Variants in KLHL20 observed in about 807,000 individuals in gnomAD.
The protein encoded by KLHL20 is kelch like family member 20, also known as kelch-like protein 20.
A neutral mutation model predicts 69.5 loss-of-function variants in KLHL20; 29 were observed. That is an observed-to-expected ratio of 0.42 (90% CI 0.31 to 0.57). KLHL20 has a LOEUF of 0.57. Among genes scored for constraint, KLHL20 ranks in the 20% least tolerant of loss-of-function variants. KLHL20 has a pLI of 0.18. For synonymous variants in KLHL20, 253 were observed against 265.2 expected (o/e 0.95, Z 0.45); for missense variants, 419 against 776.0 (o/e 0.54, Z 5.47).
At chr1:173,756,128 T>A in intron 6 of KLHL20, 90 bp downstream of exon 6, 1 of 879,342 alleles carries the variant, frequency 1.1e-6, no homozygotes, top group Non-Finnish European at 1.8e-6. Context: ...TTATGATATT[T>A]ACTGTCATAA....
chr1:173,759,356 A>G (rs1350350984), intron 7 of KLHL20, among the ~76,000 whole-genome samples: 3 of 151,934 alleles, frequency 2.0e-5, no homozygotes, highest in Non-Finnish European at 4.4e-5. Flanking sequence ...CCCACCTACC[A>G]CCAGTCTCTC....
At chr1:173,724,555 A>T (rs7513315) in intron 2 of KLHL20, among the ~76,000 whole-genome samples, 2,094 of 152,334 alleles carry the variant, frequency 0.014, 48 homozygotes, top group African/African-American at 0.046. Flanking sequence ...AAAAATCCAA[A>T]TATCTTATTT....
chr1:173,757,034 C>G lies in KLHL20; in HGVS notation c.1026C>G (p.Thr342=), dbSNP rs896691185. The part of the protein sequence containing the change: ...ISSVERYDPQ[T]NEWRMVASMS... ...GTGTTGAACGATATGATCCACAGAC[C>G]AATGAATGGAGAATGGTGGCTTCAA... is the stretch of plus-strand genomic sequence containing the variant. Residue 342 remains threonine (T), a synonymous_variant, in exon 7 of 12, where the codon ACC becomes ACG. Coordinates refer to ENST00000209884, the MANE Select transcript of KLHL20 (RefSeq NM_014458.4). 19 of 1,613,990 alleles carry G rather than the reference C, an allele frequency of 1.2e-5. No homozygotes were observed. The highest frequency in any genetic ancestry group is 1.6e-5 in the Non-Finnish European group (19 of 1,180,006).
chr1:173,730,997 C>G (rs1417961125), intron 2 of KLHL20, among the ~76,000 whole-genome samples: 1 of 152,236 alleles, frequency 6.6e-6, no homozygotes, highest in East Asian at 1.9e-4. Flanking sequence ...TATCCAGAAT[C>G]TACAATGAAC....
chr1:173,719,104 CA>C lies in KLHL20; in HGVS notation c.23+3049del, dbSNP rs751845202. ...TGGGCTAAACAGCGGGACTCCGTCT[CA>C]AAAAAAAAAAGAAAAATTATTTTGT... On this transcript the variant is annotated intron_variant, in intron 2 of 11. Coordinates refer to ENST00000209884, the MANE Select transcript of KLHL20 (RefSeq NM_014458.4). Among the ~76,000 whole-genome samples the C allele has an allele frequency of 3.5e-4, 37 of 106,096 alleles. 1 individual carries two copies. Among genetic ancestry groups the C allele is most frequent in the African/African-American group, 6.0e-4 (13 of 21,770 alleles). 69.6% of individuals were successfully genotyped at this position (106,096 alleles called of 152,430 possible). A position where few individuals can be genotyped will look rare whatever the true frequency, so the allele number is the denominator to read the frequency against.
chr1:173,738,567 G>C (rs577046132), intron 3 of KLHL20, among the ~76,000 whole-genome samples: 1 of 152,158 alleles, frequency 6.6e-6, no homozygotes, highest in Non-Finnish European at 1.5e-5. Flanking sequence ...TCTTTGTCTT[G>C]TTCCAGTTCT....
intron 10 of KLHL20, among the ~76,000 whole-genome samples, chr1:173,778,332 T>TTTTTG (rs1390767044): frequency 1.3e-5 from 2 of 151,970 alleles, no homozygotes; most frequent in Non-Finnish European, 2.9e-5. Flanking sequence ...TCTCATTACT[T>TTTTTG]TTTTGTTTTG....
At chr1:173,771,758 C>A (rs555529139) in intron 8 of KLHL20, among the ~76,000 whole-genome samples, 1 of 151,960 alleles carries the variant, frequency 6.6e-6, no homozygotes, top group Admixed American at 6.6e-5. Flanking sequence ...ACAGACTGAC[C>A]CTGTCTCTAA....
chr1:173,783,853 C>A (rs1649032700), intron 11 of KLHL20, among the ~76,000 whole-genome samples: 1 of 149,120 alleles, frequency 6.7e-6, no homozygotes, highest in Admixed American at 6.7e-5. Context: ...GGTGACAGAG[C>A]AAGACTCCGT....
chr1:173,781,091 A>G (rs986698318), intron 10 of KLHL20, among the ~76,000 whole-genome samples: 1 of 151,854 alleles, frequency 6.6e-6, no homozygotes, highest in Non-Finnish European at 1.5e-5. Flanking sequence ...CAGCCAGGGA[A>G]CATGTGCAAA....
chr1:173,744,244 C>G (rs1285611418), intron 3 of KLHL20, among the ~76,000 whole-genome samples: 1 of 152,084 alleles, frequency 6.6e-6, no homozygotes, highest in Non-Finnish European at 1.5e-5. Flanking sequence ...CTGAAAATAA[C>G]TAAAGTTGAA....
rs189595587 is a variant in KLHL20 at position 173,721,248 on chromosome 1, G to A, written c.23+5182G>A. On this transcript the variant is annotated intron_variant, in intron 2 of 11. Transcript: ENST00000209884. ...GAGCTACTCCTTCAGTTCAATTTCA[G>A]AAGACAAAATTTCCAATCTCGTATC... Among the ~76,000 whole-genome samples the A allele has an allele frequency of 4.6e-5, 7 of 152,180 alleles. No individual in the cohort carries two copies. In the East Asian group the frequency reaches 1.4e-3, roughly 29 times the overall value.
In KLHL20 at chr1:173,785,929, T is replaced by A. The variant is rs1649180410; in HGVS notation, c.*682T>A. The A allele has an allele frequency of 6.6e-6, 1 of 152,196 alleles. No homozygotes were observed. Among genetic ancestry groups the A allele is most frequent in the Non-Finnish European group, 1.5e-5 (1 of 68,028 alleles). The allele number at this position is 152,196 out of a possible 1,614,324, so 9.4% of individuals were successfully genotyped here. On this transcript the variant is annotated 3_prime_UTR_variant, in exon 12 of 12. Transcript: ENST00000209884. Reference sequence around the variant, plus strand: ...TAGTCTTTTTTTCATAATATTCTCATAGAGTTTCTGCTAGATCTAGAGCTC... The same window carrying A: ...TAGTCTTTTTTTCATAATATTCTCAAAGAGTTTCTGCTAGATCTAGAGCTC...
chr1:173,758,282 AAAAG>A (rs1342507303), intron 7 of KLHL20, among the ~76,000 whole-genome samples: 2 of 152,246 alleles, frequency 1.3e-5, no homozygotes, highest in South Asian at 2.1e-4. Flanking sequence ...AAAAAAAAGA[AAAAG>A]AAAACAACAC....
chr1:173,749,490 A>C (rs984508362), intron 3 of KLHL20, among the ~76,000 whole-genome samples: 2 of 152,328 alleles, frequency 1.3e-5, no homozygotes, highest in Admixed American at 1.3e-4. Context: ...TGATTCAAGG[A>C]TAGACTTTAG....
intron 11 of KLHL20, among the ~76,000 whole-genome samples, chr1:173,784,073 C>T (rs765790171): frequency 6.6e-6 from 1 of 152,044 alleles, no homozygotes; most frequent in South Asian, 2.1e-4. Flanking sequence ...AGCAAGACTC[C>T]GTCTCAAAAC....
chr1:173,785,289 GGGAGCTTTGACCTT>G lies in KLHL20; in HGVS notation c.*52_*65del, dbSNP rs771081666. 5.6e-6 allele frequency: 8 copies of G among 1,440,244 alleles called. No homozygotes were observed. The highest frequency in any genetic ancestry group is 7.6e-6 in the Non-Finnish European group (8 of 1,055,752). 89.2% of individuals were successfully genotyped at this position (1,440,244 alleles called of 1,614,324 possible). ...CTTGTATATATTCCTCTGTATTCTG[GGGAGCTTTGACCTT>G]GGAGCTTTGTACAGCTTGAGAAAAC... On this transcript the variant is annotated 3_prime_UTR_variant, in exon 12 of 12. Transcript: ENST00000209884.
chr1:173,758,986 T>TGCCC (rs1673675999), intron 7 of KLHL20, among the ~76,000 whole-genome samples: 1 of 152,124 alleles, frequency 6.6e-6, no homozygotes, highest in Non-Finnish European at 1.5e-5. Flanking sequence ...GCAAGCCTGC[T>TGCCC]GCCCGCCTGT....
chr1:173,755,500 G>A (rs778196671), intron 5 of KLHL20, among the ~76,000 whole-genome samples: 1 of 152,116 alleles, frequency 6.6e-6, no homozygotes, highest in African/African-American at 2.4e-5. Context: ...TCAGCAATCC[G>A]ATTTTTGACC....
Sources: gnomAD v4.1 joint callset for allele counts (sites outside exome capture counted in the v4.1 genomes callset) on GRCh38, gnomAD v4.1.1 for gene constraint, MANE v1.5 for transcripts, NCBI Gene and HGNC (gene_info 2026-07-23, HGNC 2026-07-21) for gene names.